CTNNA2: variants seen among roughly 807,000 people sequenced by gnomAD.
The protein encoded by CTNNA2 is catenin alpha 2, also known as catenin alpha-2.
CTNNA2 carries 42 observed loss-of-function variants against 101.0 expected under a neutral mutation model. The observed-to-expected ratio is 0.42, with a 90% CI of 0.32 to 0.54. The LOEUF is 0.54. CTNNA2 is among the 20% of genes least tolerant of loss of function. CTNNA2 has a pLI of 0.14. For missense variants in CTNNA2, 871 were observed against 1,223.1 expected (o/e 0.71, Z 4.29); for synonymous variants, 450 against 456.4 (o/e 0.99, Z 0.18).
intron 7 of CTNNA2, among the ~76,000 whole-genome samples, chr2:80,020,305 G>C (rs13384020): frequency 8.5e-5 from 13 of 152,122 alleles, no homozygotes; most frequent in Admixed American, 8.5e-4. Flanking sequence ...ATACAAGGGG[G>C]TGTTGCTGTC....
rs532968875 is a variant in CTNNA2, at chr2:80,508,416, T to A, written c.1291-36566T>A. Among the ~76,000 whole-genome samples the A allele has an allele frequency of 1.2e-3, 186 of 152,096 alleles. 2 individuals carry two copies. The highest frequency in any genetic ancestry group is 3.7e-4 in the Non-Finnish European group (25 of 67,978). On this transcript the variant is annotated intron_variant, in intron 9 of 18. Coordinates refer to ENST00000402739, the MANE Select transcript of CTNNA2 (RefSeq NM_001282597.3). Reference sequence around the variant, plus strand: ...ACAAGAATAGCTTGAACCCAGGAGGTAGAGGTTTCAGTTAGCCCAGATCTC... The same window carrying A: ...ACAAGAATAGCTTGAACCCAGGAGGAAGAGGTTTCAGTTAGCCCAGATCTC...
chr2:80,468,614 C>T (rs577327747), intron 9 of CTNNA2, among the ~76,000 whole-genome samples: 57 of 152,194 alleles, frequency 3.7e-4, no homozygotes, highest in Non-Finnish European at 6.6e-4. Context: ...GACGGGGTTT[C>T]GCCATATTGG....
At chr2:80,482,776 A>T (rs748087800) in intron 9 of CTNNA2, among the ~76,000 whole-genome samples, 1 of 152,170 alleles carries the variant, frequency 6.6e-6, no homozygotes, top group Non-Finnish European at 1.5e-5. Flanking sequence ...ATGCAATCTG[A>T]TATCTGAAAA....
chr2:79,945,022 T>A (rs141602744), intron 7 of CTNNA2, among the ~76,000 whole-genome samples: 1 of 152,206 alleles, frequency 6.6e-6, no homozygotes, highest in East Asian at 1.9e-4. Context: ...AAGTTTATTG[T>A]TTGGTTGTTG....
intron 7 of CTNNA2, among the ~76,000 whole-genome samples, chr2:80,379,965 C>T (rs1364061947): frequency 6.6e-6 from 1 of 151,676 alleles, no homozygotes; most frequent in Admixed American, 6.6e-5. Flanking sequence ...CCCTGAGGAC[C>T]TAAGTTACGT....
chr2:80,067,559 T>A (rs1698068339), intron 7 of CTNNA2, among the ~76,000 whole-genome samples: 1 of 152,212 alleles, frequency 6.6e-6, no homozygotes, highest in African/African-American at 2.4e-5. Flanking sequence ...AAAATTATTT[T>A]TATCTGCTTA....
chr2:80,596,275 G>GTTT (rs1696947165), intron 15 of CTNNA2, among the ~76,000 whole-genome samples: 1 of 67,178 alleles, frequency 1.5e-5, no homozygotes, highest in Non-Finnish European at 3.3e-5. Context: ...GCTGAGACAA[G>GTTT]GTTGTTTTTT....
At chr2:79,364,705 A>G (rs1677706162) in intron 3 of CTNNA2, among the ~76,000 whole-genome samples, 2 of 152,170 alleles carry the variant, frequency 1.3e-5, no homozygotes, top group Non-Finnish European at 2.9e-5. Context: ...CCTAGAGAAG[A>G]CCCAGAGAAA....
At chr2:80,336,550 T>C (rs576176561) in intron 7 of CTNNA2, among the ~76,000 whole-genome samples, 1 of 152,364 alleles carries the variant, frequency 6.6e-6, no homozygotes, top group South Asian at 2.1e-4. Context: ...TTTGCTTATC[T>C]TTTTAGGTAA....
chr2:79,637,305 C>T (rs1038742700), intron 1 of CTNNA2, among the ~76,000 whole-genome samples: 14 of 152,046 alleles, frequency 9.2e-5, no homozygotes, highest in African/African-American at 3.4e-4. Context: ...TGGAGTGAGG[C>T]CTCAGTCAGG....
chr2:80,345,557 G>A (rs1227711264), intron 7 of CTNNA2, among the ~76,000 whole-genome samples: 1 of 151,926 alleles, frequency 6.6e-6, no homozygotes, highest in Non-Finnish European at 1.5e-5. Context: ...CATCCTCCCA[G>A]AAGAATGTAA....
chr2:80,408,469 T>A lies in CTNNA2; in HGVS notation c.1138-10980T>A, dbSNP rs959930268. Among the ~76,000 whole-genome samples, 27 of 152,310 alleles carry A rather than the reference T, an allele frequency of 1.8e-4. 2 individuals carry two copies. The East Asian group carries it at 4.6e-3, about 26-fold the overall frequency. On this transcript the variant is annotated intron_variant, in intron 8 of 18. Transcript: ENST00000402739. ...AGTAATTGTCTTTCCCAATTACCAATTAAATTGTGAGGGGATTAAATCATT... is the reference window on the plus strand; with the variant it reads ...AGTAATTGTCTTTCCCAATTACCAAATAAATTGTGAGGGGATTAAATCATT...
At chr2:80,267,333 A>G (rs1332378236) in intron 7 of CTNNA2, among the ~76,000 whole-genome samples, 1 of 152,208 alleles carries the variant, frequency 6.6e-6, no homozygotes, top group African/African-American at 2.4e-5. Context: ...GGAAAGTAAT[A>G]AGTAAGAGAA....
At chr2:79,828,226 G>A (rs969446866) in intron 3 of CTNNA2, among the ~76,000 whole-genome samples, 2 of 151,884 alleles carry the variant, frequency 1.3e-5, no homozygotes, top group Admixed American at 1.3e-4. Context: ...CTTTATTTTT[G>A]GTTTCTCATT....
chr2:79,654,657 C>T (rs1382652684), intron 2 of CTNNA2, among the ~76,000 whole-genome samples: 1 of 152,188 alleles, frequency 6.6e-6, no homozygotes, highest in Non-Finnish European at 1.5e-5. Flanking sequence ...TCCCTTCTGC[C>T]ATTTAAGGTA....
chr2:80,116,007 G>C (rs1265447170), intron 7 of CTNNA2, among the ~76,000 whole-genome samples: 1 of 152,046 alleles, frequency 6.6e-6, no homozygotes, highest in African/African-American at 2.4e-5. Flanking sequence ...ACATATATTA[G>C]ACAAATTGTA....
intron 7 of CTNNA2, among the ~76,000 whole-genome samples, chr2:80,321,578 A>T (rs893302369): frequency 2.0e-5 from 3 of 152,248 alleles, no homozygotes; most frequent in African/African-American, 7.2e-5. Context: ...TATGCAAATG[A>T]ACTACAACCA....
upstream of CTNNA2, among the ~76,000 whole-genome samples, chr2:79,510,740 T>A (rs909210954): frequency 3.3e-5 from 5 of 152,238 alleles, no homozygotes; most frequent in Admixed American, 3.3e-4. Flanking sequence ...GCTGGTTTTT[T>A]AATAACTCTA....
intron 2 of CTNNA2, among the ~76,000 whole-genome samples, chr2:79,714,127 G>A (rs1379433348): frequency 6.6e-6 from 1 of 151,988 alleles, no homozygotes; most frequent in Non-Finnish European, 1.5e-5. Context: ...CCTCCAACAG[G>A]GCTCATTTCC....
Sources: allele counts gnomAD v4.1 joint callset (sites outside exome capture counted in the v4.1 genomes callset), GRCh38; gene constraint gnomAD v4.1.1; transcripts MANE v1.5; gene names NCBI Gene and HGNC (gene_info 2026-07-23, HGNC 2026-07-21).